The following THRAP3 variants were observed in gnomAD, a reference collection of about 807,000 sequenced individuals.
The protein encoded by THRAP3 is thyroid hormone receptor-associated protein 3.
THRAP3 carries 16 observed loss-of-function variants against 101.0 expected under a neutral mutation model. That is an observed-to-expected ratio of 0.16 (90% CI 0.11 to 0.24). The LOEUF is 0.24. THRAP3 is among the 10% of genes least tolerant of loss of function. The pLI, the probability that THRAP3 is intolerant of heterozygous loss-of-function variation, is 1.00. For synonymous variants in THRAP3, 407 were observed against 422.6 expected (o/e 0.96, Z 0.45); for missense variants, 989 against 1,202.7 (o/e 0.82, Z 2.63).
At chr1:36,272,533 A>T (rs578020086) in intron 2 of THRAP3, among the ~76,000 whole-genome samples, 11 of 152,304 alleles carry the variant, frequency 7.2e-5, no homozygotes, top group African/African-American at 2.6e-4. Context: ...GTAAAATAGT[A>T]AACATGTTTC....
At chr1:36,208,518 G>A in the THRAP3 span, among the ~76,000 whole-genome samples, 47 of 152,204 alleles carry the variant, frequency 3.1e-4, no homozygotes, top group Admixed American at 5.9e-4. Flanking sequence ...GCCCCCCGGT[G>A]TAAAGAAGGT....
Position 36,286,333 on chromosome 1 carries a change from A to T in THRAP3, c.138-35A>T, listed in dbSNP as rs1645795275. The T allele has an allele frequency of 6.5e-7, 1 of 1,527,936 alleles. No homozygotes were observed. The highest frequency in any genetic ancestry group is 1.4e-5 in the African/African-American group (1 of 71,658). 94.6% of individuals were successfully genotyped at this position (1,527,936 alleles called of 1,614,324 possible). Reference sequence around the variant, plus strand: ...CTTGAATAAAAATGCTTGTGTCAAAAATTCAAACATTTGTCTCTTTCCTTT... The same window carrying T: ...CTTGAATAAAAATGCTTGTGTCAAATATTCAAACATTTGTCTCTTTCCTTT... On this transcript the variant is annotated intron_variant, in intron 3 of 11. Transcript: ENST00000354618. This position sits in a 1 kb window ranked among gnomAD's most constrained non-coding sequence, Gnocchi z 5.5.
rs191944201 is a variant in THRAP3 at position 36,256,693 on chromosome 1, C to G, written c.-134-2689C>G. ...CACTCCAGTGGCTGCCCTCATTACC[C>G]AGAGGAAAACCAAAGTCCTTACTTT... is the stretch of plus-strand genomic sequence containing the variant. On this transcript the variant is annotated intron_variant, in intron 1 of 11. Transcript: ENST00000354618. 1.6e-3 allele frequency among the ~76,000 whole-genome samples: 243 copies of G among 152,328 alleles called. 1 individual carries two copies. The highest frequency in any genetic ancestry group is 5.7e-3 in the African/African-American group (236 of 41,586).
chr1:36,260,297 A>G (rs1645428451), intron 2 of THRAP3, among the ~76,000 whole-genome samples: 1 of 152,134 alleles, frequency 6.6e-6, no homozygotes, highest in Non-Finnish European at 1.5e-5. Flanking sequence ...TATAGTAGAC[A>G]TACCAGACCA....
intron 1 of THRAP3, among the ~76,000 whole-genome samples, chr1:36,244,121 T>A (rs1026813381): frequency 5.3e-5 from 8 of 152,180 alleles, no homozygotes; most frequent in Non-Finnish European, 1.2e-4. Flanking sequence ...CCAAGTGGCC[T>A]TGTGGGAAGG....
At position 36,226,332 on chromosome 1, in the gene THRAP3, T is replaced by A. The variant is rs1474049586; in HGVS notation, c.-135+1827T>A. On this transcript the variant is annotated intron_variant, in intron 1 of 11. Coordinates refer to ENST00000354618, the MANE Select transcript of THRAP3 (RefSeq NM_005119.4). Reference sequence around the variant, plus strand: ...TGGAGTGCAGGGGCACAATCTCGGCTCACTGCAACCTCCGCCTCCTGGGTT... The same window carrying A: ...TGGAGTGCAGGGGCACAATCTCGGCACACTGCAACCTCCGCCTCCTGGGTT... Among the ~76,000 whole-genome samples, 3 of 152,186 alleles carry A rather than the reference T, an allele frequency of 2.0e-5. No homozygotes were observed. In the East Asian group the frequency reaches 5.8e-4, roughly 29 times the overall value.
chr1:36,276,120 C>T (rs1295931969), intron 2 of THRAP3, among the ~76,000 whole-genome samples: 1 of 151,844 alleles, frequency 6.6e-6, no homozygotes, highest in Non-Finnish European at 1.5e-5. Context: ...TACAAGAAAA[C>T]CTGGGAGTAA....
Position 36,289,238 on chromosome 1 carries a change from C to G in THRAP3, c.1219C>G (p.Gln407Glu), listed in dbSNP as rs1415640337. The G allele has an allele frequency of 6.2e-7, 1 of 1,614,080 alleles. No individual in the cohort carries two copies. Among genetic ancestry groups the G allele is most frequent in the East Asian group, 2.2e-5 (1 of 44,884 alleles). Reference sequence around the variant, plus strand: ...TTCTGAGAAGCCTTTTCGGGGCAGTCAGTCTCCCAAAAGGTATAAGCTCCG... The same window carrying G: ...TTCTGAGAAGCCTTTTCGGGGCAGTGAGTCTCCCAAAAGGTATAAGCTCCG... ...TDSEKPFRGSQSPKRYKLRDD... is the reference protein window; with the variant it reads ...TDSEKPFRGSESPKRYKLRDD... Residue 407 changes from glutamine (Q) to glutamate (E), a missense_variant, in exon 5 of 12, where the codon CAG becomes GAG. Coordinates refer to ENST00000354618, the MANE Select transcript of THRAP3 (RefSeq NM_005119.4).
intron 1 of THRAP3, among the ~76,000 whole-genome samples, chr1:36,243,630 T>A (rs1645191419): frequency 6.6e-6 from 1 of 152,212 alleles, no homozygotes; most frequent in Admixed American, 6.5e-5. Context: ...ATCCGACTTC[T>A]CAATCCTTTC....
intron 2 of THRAP3, among the ~76,000 whole-genome samples, chr1:36,267,111 T>C (rs1160758438): frequency 2.0e-5 from 3 of 152,106 alleles, no homozygotes; most frequent in Non-Finnish European, 4.4e-5. Context: ...CTTGAACTCC[T>C]GACCTCAGGT....
chr1:36,265,878 A>T (rs553852073), intron 2 of THRAP3, among the ~76,000 whole-genome samples: 361 of 151,738 alleles, frequency 2.4e-3, no homozygotes, highest in Non-Finnish European at 4.3e-3. Flanking sequence ...AATGGTCCAG[A>T]TGTGGTGGCT....
At chr1:36,288,941 A>G in intron 4 of THRAP3, 119 bp from the exon 5 acceptor site, 1 of 1,355,258 alleles carries the variant, frequency 7.4e-7, no homozygotes, top group Non-Finnish European at 9.5e-7. Flanking sequence ...CTTTGGTAAT[A>G]CAGGAATCCA....
intron 2 of THRAP3, among the ~76,000 whole-genome samples, chr1:36,276,402 T>C (rs1645661026): frequency 6.6e-6 from 1 of 151,748 alleles, no homozygotes; most frequent in East Asian, 1.9e-4. Flanking sequence ...TGGGTGCCTG[T>C]AGTCCCAGCT....
chr1:36,289,902 T>G, intron 5 of THRAP3, 138 bp downstream of exon 5: 1 of 1,238,438 alleles, frequency 8.1e-7, no homozygotes, highest in Non-Finnish European at 1.1e-6. Context: ...TCCACCTGTG[T>G]TCACTGGAGA....
Position 36,301,543 on chromosome 1 carries a change from A to T in THRAP3, c.2503-10A>T. 7 of 1,608,530 alleles carry T rather than the reference A, an allele frequency of 4.4e-6. No homozygotes were observed. The highest frequency in any genetic ancestry group is 5.1e-6 in the Non-Finnish European group (6 of 1,178,246). ...ATCCTTTGTTCTTTTTCCCTCATTT[A>T]TTGCAATAGCAGTTTCGAGCCAGAG... On this transcript the variant is annotated splice_polypyrimidine_tract_variant and intron_variant, in intron 10 of 11. Coordinates refer to ENST00000354618, the MANE Select transcript of THRAP3 (RefSeq NM_005119.4).
At chr1:36,216,792 T>C in the THRAP3 span, among the ~76,000 whole-genome samples, 2 of 152,124 alleles carry the variant, frequency 1.3e-5, no homozygotes, top group East Asian at 3.9e-4. Flanking sequence ...AACAAATAAG[T>C]AAATAAAAAT....
intron 1 of THRAP3, among the ~76,000 whole-genome samples, chr1:36,252,060 TCAGTTCCTAC>T (rs1458379472): frequency 6.6e-6 from 1 of 152,230 alleles, no homozygotes; most frequent in Non-Finnish European, 1.5e-5. Flanking sequence ...TTAAAAAATA[TCAGTTCCTAC>T]CATTTGGGAG....
At chr1:36,266,159 AG>A (rs1230019319) in intron 2 of THRAP3, among the ~76,000 whole-genome samples, 1 of 69,548 alleles carries the variant, frequency 1.4e-5, no homozygotes, top group African/African-American at 3.5e-5. Flanking sequence ...TCTCAAAAAA[AG>A]AAAAAAAAAA....
intron 1 of THRAP3, among the ~76,000 whole-genome samples, chr1:36,257,370 G>C (rs1238452693): frequency 6.6e-6 from 1 of 152,174 alleles, no homozygotes. Flanking sequence ...GTTTAGAATA[G>C]TGCCTGGCAT....
Sources: allele counts gnomAD v4.1 joint callset (sites outside exome capture counted in the v4.1 genomes callset), GRCh38; gene constraint gnomAD v4.1.1; non-coding constraint Gnocchi (gnomAD v3.1); transcripts MANE v1.5; gene names NCBI Gene and HGNC (gene_info 2026-07-23, HGNC 2026-07-21).